ACP6: variants seen among roughly 807,000 people sequenced by gnomAD.
The protein encoded by ACP6 is lysophosphatidic acid phosphatase type 6.
ACP6 carries 48 observed loss-of-function variants against 48.1 expected under a neutral mutation model. That is an observed-to-expected ratio of 1.00 (90% CI 0.79 to 1.27). The LOEUF (loss-of-function observed/expected upper bound fraction) is 1.27. Among genes scored for constraint, ACP6 ranks in the 50% most tolerant of loss-of-function variants. The pLI, the probability that ACP6 is intolerant of heterozygous loss-of-function variation, is 0.00. For missense variants in ACP6, 485 were observed against 529.1 expected, an observed-to-expected ratio of 0.92 and a Z score of 0.82; for synonymous variants, 172 against 204.2, an observed-to-expected ratio of 0.84 and a Z score of 1.34.
chr1:147,634,980 G>A (rs782803547), intron 5 of ACP6, among the ~76,000 whole-genome samples: 1 of 152,316 alleles, frequency 6.6e-6, no homozygotes, highest in Admixed American at 6.5e-5. Context: ...AAATAGTTCA[G>A]CCAAGTACTA....
intron 4 of ACP6, among the ~76,000 whole-genome samples, chr1:147,656,102 TAGTC>T (rs1660244368): frequency 6.6e-6 from 1 of 152,202 alleles, no homozygotes; most frequent in Non-Finnish European, 1.5e-5. Flanking sequence ...AAATTATTGA[TAGTC>T]AGAACCAAGG....
chr1:147,648,191 T>C, intron 9 of ACP6, 55 bp downstream of exon 9: 2 of 1,598,086 alleles, frequency 1.3e-6, no homozygotes, highest in Non-Finnish European at 1.7e-6. Flanking sequence ...CTCAGGTAGG[T>C]GGGTTTTGCA....
At chr1:147,640,363 T>C (rs587672243), downstream of ACP6, among the ~76,000 whole-genome samples, 1 of 152,116 alleles carries the variant, frequency 6.6e-6, no homozygotes, top group African/African-American at 2.4e-5. Flanking sequence ...ACCAAGATCT[T>C]ACCACCCAGG....
chr1:147,659,208 A>G (rs11240097), intron 3 of ACP6, 169 bp from the exon 4 acceptor site: 1 of 1,029,970 alleles, frequency 9.7e-7, no homozygotes, highest in East Asian at 2.6e-5. Flanking sequence ...GAGAGACTCG[A>G]AGTGCAATGA....
chr1:147,665,671 CA>C (rs1660758244), intron 1 of ACP6, among the ~76,000 whole-genome samples: 1 of 152,346 alleles, frequency 6.6e-6, no homozygotes, highest in African/African-American at 2.4e-5. Context: ...GTGTCCACCA[CA>C]GGGCCTGACA....
At chr1:147,655,552 T>C (rs1660211986) in intron 4 of ACP6, among the ~76,000 whole-genome samples, 1 of 152,096 alleles carries the variant, frequency 6.6e-6, no homozygotes, top group South Asian at 2.1e-4. Context: ...GACTGGCAAC[T>C]CCCTGACACC....
chr1:147,660,285 C>T (rs1434227375), intron 1 of ACP6, among the ~76,000 whole-genome samples: 1 of 152,204 alleles, frequency 6.6e-6, no homozygotes, highest in Non-Finnish European at 1.5e-5. Flanking sequence ...GAAGATGTTG[C>T]TTTTTCATCA....
chr1:147,655,080 C>T (rs74879731), intron 5 of ACP6, 81 bp downstream of exon 5: 13,922 of 1,176,566 alleles, frequency 0.012, 113 homozygotes, highest in Non-Finnish European at 0.015. Context: ...CTGGACAGGC[C>T]CTCAGTATAG....
intron 1 of ACP6, among the ~76,000 whole-genome samples, chr1:147,668,231 T>C (rs190882924): frequency 6.6e-6 from 1 of 152,280 alleles, no homozygotes; most frequent in Non-Finnish European, 1.5e-5. Context: ...CCTTCTCTAA[T>C]TGCAAAGTCA....
intron 8 of ACP6, 137 bp from the exon 9 acceptor site, chr1:147,648,548 A>T: frequency 1.0e-6 from 1 of 957,450 alleles, no homozygotes; most frequent in Non-Finnish European, 1.6e-6. Flanking sequence ...CTGGTATAAA[A>T]GTCCTTTGCA....
chr1:147,659,259 C>A, intron 3 of ACP6, 137 bp downstream of exon 3: 1 of 1,278,998 alleles, frequency 7.8e-7, no homozygotes, highest in Non-Finnish European at 1.1e-6. Flanking sequence ...GATCCTGTGA[C>A]ATAAGGGTAT....
At chr1:147,641,507 T>G (rs1343518661), downstream of ACP6, among the ~76,000 whole-genome samples, 2 of 152,186 alleles carry the variant, frequency 1.3e-5, no homozygotes, top group African/African-American at 4.8e-5. Context: ...GAAGTCGGCC[T>G]TCCCTGGCAA....
chr1:147,652,692 A>G (rs1553210799), intron 6 of ACP6, 143 bp from the exon 7 acceptor site: 1 of 1,565,140 alleles, frequency 6.4e-7, no homozygotes, highest in Non-Finnish European at 8.7e-7. Flanking sequence ...GTCTGTTAAC[A>G]GGTCAAGAAG....
At chr1:147,650,742 A>C (rs1659877262) in intron 7 of ACP6, 1 of 152,466 alleles carries the variant, frequency 6.6e-6, no homozygotes, top group South Asian at 2.0e-4. Flanking sequence ...TTTACAGAAG[A>C]AGTTCAGTGG....
In ACP6 at chr1:147,647,468, T is replaced by C. The variant is rs1303102158; in HGVS notation, c.1242A>G (p.Ala414=). 6.2e-7 allele frequency: 1 copy of C among 1,614,026 alleles called. No homozygotes were observed. Among genetic ancestry groups the C allele is most frequent in the Non-Finnish European group, 8.5e-7 (1 of 1,180,026 alleles). ...VYTLSPEKYH[A]LCSQTQVMEV... Reference sequence around the variant, plus strand: ...CCATCACCTGAGTTTGAGAGCAGAGTGCGTGGTATTTTTCTGGGCTTAAGG... The same window carrying C: ...CCATCACCTGAGTTTGAGAGCAGAGCGCGTGGTATTTTTCTGGGCTTAAGG... Residue 414 remains alanine, a synonymous_variant, in exon 10 of 10, where the codon GCA becomes GCG. Transcript: ENST00000583509.
rs76064802 is a variant in ACP6 at position 147,663,355 on chromosome 1, A to G, written c.220-3580T>C. ...AATGGGTACAAAATTTCAGTTACAC[A>G]GGAAGAATAAGCTTTAGTGATCTAT... On this transcript the variant is annotated intron_variant, in intron 1 of 9. Transcript: ENST00000583509. Among the ~76,000 whole-genome samples the G allele has an allele frequency of 5.1e-3, 783 of 152,332 alleles. 9 individuals carry two copies. The highest frequency in any genetic ancestry group is 0.018 in the African/African-American group (752 of 41,568).
intron 7 of ACP6, 80 bp from the exon 8 acceptor site, chr1:147,650,318 C>T (rs1342216576): frequency 1.9e-5 from 19 of 998,130 alleles, no homozygotes; most frequent in Middle Eastern, 2.1e-4. Flanking sequence ...CCCCCAGGAC[C>T]TCATGAGTCC....
chr1:147,632,942 G>C (rs1214598908), intron 5 of ACP6, among the ~76,000 whole-genome samples: 19 of 152,116 alleles, frequency 1.2e-4, no homozygotes, highest in Non-Finnish European at 2.2e-4. Flanking sequence ...CACTGGAGAA[G>C]AGGTAGGAAT....
intron 3 of ACP6, 133 bp downstream of exon 3, chr1:147,659,263 A>G: frequency 7.7e-7 from 1 of 1,293,090 alleles, no homozygotes. Context: ...CTGTGACATA[A>G]GGGTATGCAG....
Sources: allele counts gnomAD v4.1 joint callset (sites outside exome capture counted in the v4.1 genomes callset), GRCh38; gene constraint gnomAD v4.1.1; transcripts MANE v1.5; gene names NCBI Gene and HGNC (gene_info 2026-07-23, HGNC 2026-07-21).